Variants in SDF4 observed in about 807,000 individuals in gnomAD.
The protein encoded by SDF4 is stromal cell derived factor 4, also known as 45 kDa calcium-binding protein.
Under a neutral mutation model 34.2 loss-of-function variants are expected in SDF4, and 22 were observed. That is an observed-to-expected ratio of 0.64 (90% CI 0.46 to 0.92). The LOEUF (loss-of-function observed/expected upper bound fraction) is 0.92, where lower values mean the gene tolerates loss of function less well. Among genes scored for constraint, SDF4 ranks in the 40% least tolerant of loss-of-function variants. The pLI, the probability that SDF4 is intolerant of heterozygous loss-of-function variation, is 0.00. For missense variants in SDF4, 447 were observed against 499.9 expected, an observed-to-expected ratio of 0.89 and a Z score of 1.01; for synonymous variants, 236 against 203.1, an observed-to-expected ratio of 1.16 and a Z score of -1.38.
intron 2 of SDF4, among the ~76,000 whole-genome samples, chr1:1,227,826 C>T (rs1195958306): frequency 2.0e-5 from 3 of 152,148 alleles, no homozygotes; most frequent in Non-Finnish European, 4.4e-5. Flanking sequence ...GGAGAAAGCT[C>T]GGCACTAGGC....
rs921251649 is a variant in SDF4, at chr1:1,231,970, A to G, written c.-253T>C. On this transcript the variant is annotated 5_prime_UTR_variant, in exon 1 of 7. Transcript: ENST00000360001. ...GCCGCCAACGGGCCCGGATCAGGCCACTGCCATCTTTCTTGCGGGCGGGGG... is the reference window on the plus strand; with the variant it reads ...GCCGCCAACGGGCCCGGATCAGGCCGCTGCCATCTTTCTTGCGGGCGGGGG... The G allele has an allele frequency of 2.0e-5, 3 of 152,202 alleles. No homozygotes were observed. The highest frequency in any genetic ancestry group is 7.2e-5 in the African/African-American group (3 of 41,458). The allele number at this position is 152,202 out of a possible 1,614,324, so 9.4% of individuals were successfully genotyped here. A position where few individuals can be genotyped will look rare whatever the true frequency, so the allele number is the denominator to read the frequency against.
At chr1:1,225,561 T>A (rs1221088666) in intron 2 of SDF4, among the ~76,000 whole-genome samples, 1 of 152,072 alleles carries the variant, frequency 6.6e-6, no homozygotes, top group Non-Finnish European at 1.5e-5. Flanking sequence ...GGAGGCACCC[T>A]CAGCTCCACA....
At chr1:1,222,623 G>A (rs1650033117) in intron 4 of SDF4, among the ~76,000 whole-genome samples, 1 of 152,284 alleles carries the variant, frequency 6.6e-6, no homozygotes, top group South Asian at 2.1e-4. Context: ...GGCCTTCAGA[G>A]TACGGGGCAG....
Position 1,223,326 on chromosome 1 carries a change from CT to C in SDF4, c.473del (p.Lys158SerfsTer36). The C allele has an allele frequency of 6.2e-7, 1 of 1,613,878 alleles. No individual in the cohort carries two copies. Among genetic ancestry groups the C allele is most frequent in the Non-Finnish European group, 8.5e-7 (1 of 1,179,872 alleles). On this transcript the variant is annotated frameshift_variant, in exon 4 of 7. Coordinates refer to ENST00000360001, the MANE Select transcript of SDF4 (RefSeq NM_016176.6). LOFTEE classifies it high-confidence loss of function. ...GHVSWDEYKV[K>X]FLASKGHSEK... is the part of the protein sequence containing the mutation. ...CGCTATGGCCTTTACTCGCCAAAAA[CT>C]TCACCTTATACTCGTCCCAAGACAC...
chr1:1,225,591 T>G (rs892393703), intron 2 of SDF4, among the ~76,000 whole-genome samples: 2 of 152,102 alleles, frequency 1.3e-5, no homozygotes, highest in African/African-American at 4.8e-5. Flanking sequence ...ACACACCGGC[T>G]GGGGACGGGG....
chr1:1,231,507 T>C (rs60252802), intron 1 of SDF4, among the ~76,000 whole-genome samples: 24,846 of 152,226 alleles, frequency 0.16, 2,273 homozygotes, highest in African/African-American at 0.24. Context: ...TCCTACTAAC[T>C]GGGGATGAGG....
chr1:1,218,818 G>A lies in SDF4; in HGVS notation c.666C>T (p.His222=). The change falls in exon 5 of 7, where the codon CAC becomes CAT. Residue 222 remains histidine, a synonymous_variant. Coordinates refer to ENST00000360001, the MANE Select transcript of SDF4 (RefSeq NM_016176.6). This position sits in a 1 kb window ranked among gnomAD's most constrained non-coding sequence, Gnocchi z 7.9. Reference sequence around the variant, plus strand: ...CCATGAACCTGAGCATTCCCCGGCTGTGCTCGGGGTGGAGGAACGACAGGA... The same window carrying A: ...CCATGAACCTGAGCATTCCCCGGCTATGCTCGGGGTGGAGGAACGACAGGA... ...EEFLSFLHPE[H]SRGMLRFMVK... 3 of 1,605,828 alleles carry A rather than the reference G, an allele frequency of 1.9e-6. No individual in the cohort carries two copies. The highest frequency in any genetic ancestry group is 1.7e-6 in the Non-Finnish European group (2 of 1,174,266).
Position 1,218,950 on chromosome 1 carries a change from G to A in SDF4, c.557-23C>T, listed in dbSNP as rs765794579. On this transcript the variant is annotated intron_variant, in intron 4 of 6. Transcript: ENST00000360001. The surrounding 1 kb of genome is among the most constrained non-coding windows in gnomAD (Gnocchi z 7.9). Reference sequence around the variant, plus strand: ...GTGCTGAGAGGGGCGCAGCCTGTGGGTATCGAGGCCGACAGACGCCAGCAC... The same window carrying A: ...GTGCTGAGAGGGGCGCAGCCTGTGGATATCGAGGCCGACAGACGCCAGCAC... The A allele has an allele frequency of 3.2e-5, 52 of 1,611,592 alleles. No homozygotes were observed. Among genetic ancestry groups the A allele is most frequent in the Non-Finnish European group, 4.3e-5 (51 of 1,179,370 alleles).
chr1:1,219,413 C>T (rs1021353907), intron 4 of SDF4: 2 of 1,017,156 alleles, frequency 2.0e-6, no homozygotes, highest in Admixed American at 5.1e-5. Flanking sequence ...CCCCACCCCC[C>T]ACACCCGCGC....
In SDF4 at chr1:1,217,625, C is replaced by T; in HGVS notation, c.955G>A (p.Ala319Thr). The T allele has an allele frequency of 6.2e-7, 1 of 1,613,790 alleles. No homozygotes were observed. The highest frequency in any genetic ancestry group is 8.5e-7 in the Non-Finnish European group (1 of 1,179,938). Reference sequence around the variant, plus strand: ...AGGTGGTGGTTCTGGTTCTCGTCGGCGACGGCGATCATCTGCTTGGCCTCG... The same window carrying T: ...AGGTGGTGGTTCTGGTTCTCGTCGGTGACGGCGATCATCTGCTTGGCCTCG... Reference protein sequence around the residue: ...LNEAKQMIAVADENQNHHLEP... With the variant: ...LNEAKQMIAVTDENQNHHLEP... The change falls in exon 7 of 7, where the codon GCC becomes ACC. Residue 319 changes from alanine to threonine, a missense_variant. Ala to Thr is a moderately conservative substitution (Grantham distance 58). Coordinates refer to ENST00000360001, the MANE Select transcript of SDF4 (RefSeq NM_016176.6). The surrounding 1 kb of genome is among the most constrained non-coding windows in gnomAD (Gnocchi z 8.5).
chr1:1,231,403 C>G (rs188684002), intron 1 of SDF4, among the ~76,000 whole-genome samples: 2 of 152,388 alleles, frequency 1.3e-5, no homozygotes, highest in Admixed American at 1.3e-4. Context: ...GTTAACAACA[C>G]ACACGGTTAG....
Position 1,218,447 on chromosome 1 carries a change from C to G in SDF4, c.891+11G>C. On this transcript the variant is annotated intron_variant, in intron 6 of 6. Coordinates refer to ENST00000360001, the MANE Select transcript of SDF4 (RefSeq NM_016176.6). This position sits in a 1 kb window ranked among gnomAD's most constrained non-coding sequence, Gnocchi z 7.9. ...GGGCCGGCTCCGGGACACGGCTGCG[C>G]CAGGGCTCACCTCCAGCTCCTCGGC... 1 of 1,608,366 alleles carries G rather than the reference C, an allele frequency of 6.2e-7. No homozygotes were observed. Among genetic ancestry groups the G allele is most frequent in the Non-Finnish European group, 8.5e-7 (1 of 1,179,468 alleles).
intron 4 of SDF4, chr1:1,221,016 A>G: frequency 5.8e-6 from 2 of 347,646 alleles, no homozygotes; most frequent in South Asian, 4.4e-5. Context: ...GCATGCTGGG[A>G]GGCTGCGGCA....
chr1:1,229,072 A>C, intron 1 of SDF4, 126 bp from the exon 2 acceptor site: 1 of 407,714 alleles, frequency 2.5e-6, no homozygotes, highest in Non-Finnish European at 4.3e-6. Context: ...CCTTCTCCAG[A>C]CCACACGTGG....
In SDF4 at chr1:1,217,221, A is replaced by G. The variant is rs74355107; in HGVS notation, c.*291T>C. ...TCAGCGCCTTCGGCAGAGTGACTGA[A>G]GCGAGATTTCGTTCTCAGAAGTGAG... On this transcript the variant is annotated 3_prime_UTR_variant, in exon 7 of 7. Coordinates refer to ENST00000360001, the MANE Select transcript of SDF4 (RefSeq NM_016176.6). The surrounding 1 kb of genome is among the most constrained non-coding windows in gnomAD (Gnocchi z 8.5). 0.04 allele frequency: 6,706 copies of G among 166,872 alleles called. 180 individuals are homozygous for G. The highest frequency in any genetic ancestry group is 0.092 in the Middle Eastern group (34 of 368). The allele number at this position is 166,872 out of a possible 1,614,324, so 10.3% of individuals were successfully genotyped here. A position where few individuals can be genotyped will look rare whatever the true frequency, so the allele number is the denominator to read the frequency against.
intron 4 of SDF4, chr1:1,223,021 G>A (rs1012374662): frequency 3.1e-5 from 18 of 571,690 alleles, no homozygotes; most frequent in Admixed American, 9.7e-5. Flanking sequence ...GCATACACAT[G>A]TACTCACGAG....
rs145606915 is a variant in SDF4, at chr1:1,222,067, G to A, written c.556+1177C>T. Among the ~76,000 whole-genome samples the A allele has an allele frequency of 9.8e-5, 15 of 152,364 alleles. No individual in the cohort carries two copies. In the East Asian group the frequency reaches 2.9e-3, roughly 29 times the overall value. ...AGATACACCCAGCCTGCCAGGAGCA[G>A]CCCCGTATCACGTGACCAGTCCCGT... On this transcript the variant is annotated intron_variant, in intron 4 of 6. Coordinates refer to ENST00000360001, the MANE Select transcript of SDF4 (RefSeq NM_016176.6).
At chr1:1,226,548 G>C (rs913377227) in intron 2 of SDF4, among the ~76,000 whole-genome samples, 1 of 152,246 alleles carries the variant, frequency 6.6e-6, no homozygotes, top group East Asian at 1.9e-4. Context: ...AGAGGAGACA[G>C]GACAGCTGAG....
chr1:1,221,939 G>T (rs1186649395), intron 4 of SDF4, among the ~76,000 whole-genome samples: 1 of 152,230 alleles, frequency 6.6e-6, no homozygotes, highest in Admixed American at 6.5e-5. Flanking sequence ...AGCAGAGTGA[G>T]ACCGTCTCAT....
Sources: gnomAD v4.1 joint callset for allele counts (sites outside exome capture counted in the v4.1 genomes callset) on GRCh38, gnomAD v4.1.1 for gene constraint, Gnocchi (gnomAD v3.1) non-coding constraint, MANE v1.5 for transcripts, NCBI Gene and HGNC (gene_info 2026-07-23, HGNC 2026-07-21) for gene names.